CNTNAP2: variants seen among roughly 807,000 people sequenced by gnomAD.
CNTNAP2 encodes the protein contactin associated protein 2.
Under a neutral mutation model 155.2 loss-of-function variants are expected in CNTNAP2, and 98 were observed. The observed-to-expected ratio is 0.63, with a 90% CI of 0.54 to 0.75. CNTNAP2 has a LOEUF of 0.75. Ranked by LOEUF, CNTNAP2 falls within the 30% of genes least tolerant of loss-of-function variation. CNTNAP2 has a pLI of 0.00. For missense variants in CNTNAP2, 1,727 were observed against 1,688.1 expected (o/e 1.02, Z -0.40); for synonymous variants, 651 against 631.2 (o/e 1.03, Z -0.47).
intron 15 of CNTNAP2, among the ~76,000 whole-genome samples, chr7:148,074,507 A>G (rs938448519): frequency 6.9e-3 from 2 of 290 alleles, no homozygotes; most frequent in Non-Finnish European, 0.011. Context: ...CCTGGCCAAC[A>G]TGGTGAAACC....
At chr7:146,640,095 CAGG>C (rs1799679808) in intron 1 of CNTNAP2, among the ~76,000 whole-genome samples, 1 of 152,178 alleles carries the variant, frequency 6.6e-6, no homozygotes, top group South Asian at 2.1e-4. Context: ...TGGGGATTAT[CAGG>C]AGAAGAAACA....
intron 13 of CNTNAP2, among the ~76,000 whole-genome samples, chr7:147,862,233 C>A: frequency 6.6e-6 from 1 of 152,072 alleles, no homozygotes; most frequent in East Asian, 1.9e-4. Context: ...ACTGTGATTA[C>A]AGCATTAGAG....
At chr7:148,256,580 A>G (rs1796457799) in intron 20 of CNTNAP2, among the ~76,000 whole-genome samples, 1 of 152,080 alleles carries the variant, frequency 6.6e-6, no homozygotes, top group Admixed American at 6.5e-5. Context: ...ACAGTGCCTT[A>G]CCGAGAAGAG....
chr7:147,868,437 T>G (rs1041998738), intron 13 of CNTNAP2, among the ~76,000 whole-genome samples: 2 of 152,164 alleles, frequency 1.3e-5, no homozygotes, highest in African/African-American at 4.8e-5. Flanking sequence ...GGGACCCACT[T>G]GAGGAGGCAG....
At chr7:147,601,282 G>GCTGAGT (rs1479220726) in intron 12 of CNTNAP2, among the ~76,000 whole-genome samples, 1 of 152,064 alleles carries the variant, frequency 6.6e-6, no homozygotes, top group Non-Finnish European at 1.5e-5. Flanking sequence ...GTGCAGGCGG[G>GCTGAGT]CTGAGTCTGA....
intron 1 of CNTNAP2, among the ~76,000 whole-genome samples, chr7:146,391,841 A>G (rs1199104821): frequency 6.6e-6 from 1 of 152,048 alleles, no homozygotes; most frequent in African/African-American, 2.4e-5. Context: ...TTTTTGGAGG[A>G]TAGAGGGTAG....
chr7:146,231,782 C>T (rs373046652), intron 1 of CNTNAP2, among the ~76,000 whole-genome samples: 74 of 152,238 alleles, frequency 4.9e-4, no homozygotes, highest in African/African-American at 1.7e-3. Context: ...TGGCACCTAT[C>T]GCAGCCATTT....
chr7:146,504,844 G>A (rs1025474044), intron 1 of CNTNAP2, among the ~76,000 whole-genome samples: 1 of 152,122 alleles, frequency 6.6e-6, no homozygotes, highest in Non-Finnish European at 1.5e-5. Flanking sequence ...ACTCCCAGGG[G>A]GCACAAAGTC....
chr7:146,588,960 TA>T (rs35818998), intron 1 of CNTNAP2, among the ~76,000 whole-genome samples: 53,578 of 151,720 alleles, frequency 0.35, 11,351 homozygotes, highest in South Asian at 0.51. Flanking sequence ...ATTTCAGTTA[TA>T]AAAAAAAAGT....
intron 1 of CNTNAP2, among the ~76,000 whole-genome samples, chr7:146,569,775 T>C (rs1162698282): frequency 3.3e-5 from 5 of 152,178 alleles, no homozygotes; most frequent in Non-Finnish European, 7.4e-5. Context: ...GGTAGGTAGA[T>C]GGTCAAAAGA....
At chr7:146,409,007 A>T (rs542907932) in intron 1 of CNTNAP2, among the ~76,000 whole-genome samples, 4 of 152,262 alleles carry the variant, frequency 2.6e-5, no homozygotes, top group African/African-American at 9.6e-5. Flanking sequence ...TATATATAAT[A>T]ATCTCATCTA....
At position 146,121,074 on chromosome 7, in the gene CNTNAP2, TAGACAAAAAC is replaced by T. The variant is rs1797554685; in HGVS notation, c.97+4102_97+4111del. ...ACTGTTCCTTATTAGTAAATTCTTC[TAGACAAAAAC>T]TTACTCAAATGTCTTAAAGTTTACA... On this transcript the variant is annotated intron_variant, in intron 1 of 23. Coordinates refer to ENST00000361727, the MANE Select transcript of CNTNAP2 (RefSeq NM_014141.6). 1.3e-3 allele frequency among the ~76,000 whole-genome samples: 188 copies of T among 150,108 alleles called. 3 individuals are homozygous for T. Among genetic ancestry groups the T allele is most frequent in the Middle Eastern group, 7.1e-3 (2 of 282 alleles).
intron 21 of CNTNAP2, among the ~76,000 whole-genome samples, chr7:148,355,286 A>G (rs1798494197): frequency 7.0e-6 from 1 of 141,904 alleles, no homozygotes; most frequent in Non-Finnish European, 1.5e-5. Flanking sequence ...GGTTCACGCC[A>G]TTCTCCTGCC....
intron 1 of CNTNAP2, among the ~76,000 whole-genome samples, chr7:146,546,646 G>C (rs1215359848): frequency 6.6e-6 from 1 of 151,814 alleles, no homozygotes; most frequent in Non-Finnish European, 1.5e-5. Context: ...CCCAATAGTG[G>C]GTCATTTATA....
At chr7:146,420,975 T>A (rs528899319) in intron 1 of CNTNAP2, among the ~76,000 whole-genome samples, 20 of 152,164 alleles carry the variant, frequency 1.3e-4, no homozygotes, top group African/African-American at 4.3e-4. Flanking sequence ...TATGATAACA[T>A]ATCCACTTTA....
intron 10 of CNTNAP2, among the ~76,000 whole-genome samples, chr7:147,477,144 T>A (rs1323494539): frequency 6.6e-6 from 1 of 152,168 alleles, no homozygotes; most frequent in Admixed American, 6.6e-5. Flanking sequence ...GAAATAAGGC[T>A]AAATATTTTT....
intron 3 of CNTNAP2, among the ~76,000 whole-genome samples, chr7:146,884,523 T>C (rs577385102): frequency 6.6e-6 from 1 of 152,230 alleles, no homozygotes; most frequent in African/African-American, 2.4e-5. Context: ...TCAGTATGTA[T>C]TGAGTATCAG....
At chr7:147,212,584 G>C (rs1166475928) in intron 8 of CNTNAP2, among the ~76,000 whole-genome samples, 1 of 152,120 alleles carries the variant, frequency 6.6e-6, no homozygotes. Flanking sequence ...GGGACAATCA[G>C]AGTGAAGAGG....
intron 12 of CNTNAP2, among the ~76,000 whole-genome samples, chr7:147,572,179 A>T (rs1427673225): frequency 7.5e-6 from 1 of 133,452 alleles, no homozygotes; most frequent in African/African-American, 2.8e-5. Flanking sequence ...TCCCTTCTGG[A>T]TTCAGCCTCA....
Sources: allele counts gnomAD v4.1 joint callset (sites outside exome capture counted in the v4.1 genomes callset), GRCh38; gene constraint gnomAD v4.1.1; transcripts MANE v1.5; gene names NCBI Gene and HGNC (gene_info 2026-07-23, HGNC 2026-07-21).